Variants in MOB1B observed in about 807,000 individuals in gnomAD.
The protein encoded by MOB1B is MOB kinase activator 1B.
MOB1B carries 19 observed loss-of-function variants against 24.4 expected under a neutral mutation model. The ratio of observed to expected loss-of-function variants is 0.78; its 90% CI spans 0.54 to 1.14. The LOEUF is 1.14. Among genes scored for constraint, MOB1B ranks in the 50% most tolerant of loss-of-function variants. The pLI, the probability that MOB1B is intolerant of heterozygous loss-of-function variation, is 0.00. For missense variants in MOB1B, 243 were observed against 259.6 expected (o/e 0.94, Z 0.44); for synonymous variants, 76 against 82.1 (o/e 0.93, Z 0.40).
intron 3 of MOB1B, among the ~76,000 whole-genome samples, chr4:70,973,038 G>T (rs1738829251): frequency 6.6e-6 from 1 of 152,162 alleles, no homozygotes; most frequent in South Asian, 2.1e-4. Flanking sequence ...CTCCCAAAGT[G>T]CTGGCATTAC....
chr4:70,942,397 G>C (rs12644697), intron 1 of MOB1B, among the ~76,000 whole-genome samples: 8 of 151,742 alleles, frequency 5.3e-5, no homozygotes, highest in African/African-American at 2.4e-5. Context: ...TTATTTCCTA[G>C]TACACTTTAT....
chr4:70,938,684 A>G (rs1470226354), intron 1 of MOB1B, among the ~76,000 whole-genome samples: 1 of 125,820 alleles, frequency 7.9e-6, no homozygotes, highest in African/African-American at 3.1e-5. Flanking sequence ...CCTCCAGAGT[A>G]TTCTACATCT....
At chr4:70,963,030 A>T (rs1472079751) in intron 2 of MOB1B, among the ~76,000 whole-genome samples, 1 of 152,086 alleles carries the variant, frequency 6.6e-6, no homozygotes. Context: ...AGAAAATTTA[A>T]AATTCTGCTC....
intron 3 of MOB1B, among the ~76,000 whole-genome samples, chr4:70,972,499 C>T (rs1738797916): frequency 6.6e-6 from 1 of 152,086 alleles, no homozygotes. Context: ...TAGGGGTGAG[C>T]CACTGCACCT....
intron 1 of MOB1B, among the ~76,000 whole-genome samples, chr4:70,956,933 A>G (rs1366384613): frequency 1.3e-5 from 2 of 152,236 alleles, no homozygotes. Flanking sequence ...CAAGATCCTC[A>G]GTACTTTTTG....
intron 1 of MOB1B, among the ~76,000 whole-genome samples, chr4:70,922,401 A>G (rs1417035905): frequency 2.0e-5 from 3 of 152,174 alleles, no homozygotes; most frequent in Admixed American, 6.5e-5. Flanking sequence ...CAACCAACAC[A>G]TGTAAAATAA....
At chr4:70,903,400 G>A (rs944538639) in intron 1 of MOB1B, among the ~76,000 whole-genome samples, 1 of 152,288 alleles carries the variant, frequency 6.6e-6, no homozygotes, top group South Asian at 2.1e-4. Flanking sequence ...GAACGTGGAG[G>A]GGGAAGGGCA....
At chr4:70,966,536 G>A (rs1213896194) in intron 2 of MOB1B, among the ~76,000 whole-genome samples, 5 of 151,896 alleles carry the variant, frequency 3.3e-5, no homozygotes, top group Admixed American at 6.6e-5. Context: ...CACTGTGCCC[G>A]GCTAATTTTG....
rs77594864 is a variant in MOB1B at position 70,940,071 on chromosome 4, C to A, written c.15-18803C>A. 9.9e-5 allele frequency among the ~76,000 whole-genome samples: 15 copies of A among 151,862 alleles called. No homozygotes were observed. In the East Asian group the frequency reaches 2.3e-3, roughly 24 times the overall value. The stretch of plus-strand genomic sequence containing the variant: ...TGCTGTCCTGCCGGTGTGCTCCACT[C>A]GATGTCCTCTTGACCTCCAGCCGCT... On this transcript the variant is annotated intron_variant, in intron 1 of 5. Coordinates refer to ENST00000309395, the MANE Select transcript of MOB1B (RefSeq NM_173468.4).
chr4:70,902,449 T>A lies in MOB1B; in HGVS notation c.-88T>A, dbSNP rs113511150. 1.4e-6 allele frequency: 2 copies of A among 1,409,932 alleles called. No individual in the cohort carries two copies. Among genetic ancestry groups the A allele is most frequent in the Non-Finnish European group, 2.0e-6 (2 of 1,018,772 alleles). 87.3% of individuals were successfully genotyped at this position (1,409,932 alleles called of 1,614,324 possible). ...CCTCCTCCTCCGCCTCCCTGTCTCCTGTTCCATTCGCCTTTCCTCTTCTTT... is the reference window on the plus strand; with the variant it reads ...CCTCCTCCTCCGCCTCCCTGTCTCCAGTTCCATTCGCCTTTCCTCTTCTTT... On this transcript the variant is annotated 5_prime_UTR_variant, in exon 1 of 6. Transcript: ENST00000309395.
chr4:70,950,341 C>G (rs1737750241), intron 1 of MOB1B, among the ~76,000 whole-genome samples: 1 of 148,988 alleles, frequency 6.7e-6, no homozygotes, highest in African/African-American at 2.5e-5. Flanking sequence ...GAGGCTGAGG[C>G]AGGAGAATCG....
At chr4:70,930,033 G>A (rs1479354323) in intron 1 of MOB1B, among the ~76,000 whole-genome samples, 1 of 152,080 alleles carries the variant, frequency 6.6e-6, no homozygotes, top group African/African-American at 2.4e-5. Flanking sequence ...GGAATTACAG[G>A]CATGAGCCAC....
At chr4:70,974,248 T>C (rs1278138488) in intron 3 of MOB1B, among the ~76,000 whole-genome samples, 3 of 152,036 alleles carry the variant, frequency 2.0e-5, no homozygotes, top group Non-Finnish European at 4.4e-5. Flanking sequence ...TCCTCCTCCC[T>C]GGTTCAAGCG....
chr4:70,904,171 T>TG (rs1195672655), intron 1 of MOB1B, among the ~76,000 whole-genome samples: 1 of 151,010 alleles, frequency 6.6e-6, no homozygotes, highest in Non-Finnish European at 1.5e-5. Context: ...TTAATAGAGA[T>TG]GGGGGTTTCA....
intron 1 of MOB1B, among the ~76,000 whole-genome samples, chr4:70,902,801 C>A (rs576344263): frequency 3.3e-5 from 5 of 152,356 alleles, no homozygotes; most frequent in South Asian, 4.1e-4. Flanking sequence ...CCGGCACACC[C>A]CGGGGCCAGC....
intron 1 of MOB1B, among the ~76,000 whole-genome samples, chr4:70,938,880 C>T (rs998592909): frequency 2.6e-5 from 4 of 151,408 alleles, no homozygotes; most frequent in South Asian, 2.1e-4. Flanking sequence ...CGGGTGCAAG[C>T]GATCCTCCTG....
chr4:70,964,172 A>G lies in MOB1B; in HGVS notation c.181+5132A>G, dbSNP rs562106597. ...AGAAGTAGACAAATCCATGGTCATA[A>G]TGGGAGATTTTAACATTCCTCTTTC... On this transcript the variant is annotated intron_variant, in intron 2 of 5. Coordinates refer to ENST00000309395, the MANE Select transcript of MOB1B (RefSeq NM_173468.4). Among the ~76,000 whole-genome samples, 284 of 152,354 alleles carry G rather than the reference A, an allele frequency of 1.9e-3. 1 individual carries two copies. The highest frequency in any genetic ancestry group is 6.4e-3 in the African/African-American group (268 of 41,582).
At chr4:70,976,631 GA>G (rs951461833) in intron 4 of MOB1B, 49 of 942,576 alleles carry the variant, frequency 5.2e-5, no homozygotes, top group East Asian at 1.2e-4. Context: ...GATTTTTTTT[GA>G]AAAAAAAATG....
chr4:70,937,592 A>G (rs879602815), intron 1 of MOB1B, among the ~76,000 whole-genome samples: 6 of 150,240 alleles, frequency 4.0e-5, no homozygotes, highest in East Asian at 2.0e-4. Context: ...GCTCACTGCA[A>G]TCTCTGCCTC....
Sources: gnomAD v4.1 joint callset for allele counts (sites outside exome capture counted in the v4.1 genomes callset) on GRCh38, gnomAD v4.1.1 for gene constraint, MANE v1.5 for transcripts, NCBI Gene and HGNC (gene_info 2026-07-23, HGNC 2026-07-21) for gene names.